UBE4B: variants seen among roughly 807,000 people sequenced by gnomAD.
UBE4B encodes ubiquitination factor E4B.
Under a neutral mutation model 148.1 loss-of-function variants are expected in UBE4B, and 27 were observed. The ratio of observed to expected loss-of-function variants is 0.18; its 90% CI spans 0.13 to 0.25. The LOEUF (loss-of-function observed/expected upper bound fraction) is 0.25. Among genes scored for constraint, UBE4B ranks in the 10% least tolerant of loss-of-function variants. The pLI, the probability that UBE4B is intolerant of heterozygous loss-of-function variation, is 1.00. For synonymous variants in UBE4B, 596 were observed against 619.3 expected (o/e 0.96, Z 0.56); for missense variants, 1,170 against 1,662.4 (o/e 0.70, Z 5.15).
chr1:10,086,248 G>T (rs2101857245), intron 2 of UBE4B, among the ~76,000 whole-genome samples: 1 of 152,242 alleles, frequency 6.6e-6, no homozygotes, highest in South Asian at 2.1e-4. Flanking sequence ...TGGGATTACA[G>T]GCATGAGCCA....
intron 1 of UBE4B, among the ~76,000 whole-genome samples, chr1:10,036,878 G>A (rs1643558208): frequency 6.6e-6 from 1 of 152,094 alleles, no homozygotes; most frequent in Admixed American, 6.6e-5. Flanking sequence ...AGGAAATTAG[G>A]TAAGGCAGAG....
At chr1:10,045,692 A>T (rs1643899702) in intron 1 of UBE4B, among the ~76,000 whole-genome samples, 1 of 152,174 alleles carries the variant, frequency 6.6e-6, no homozygotes, top group African/African-American at 2.4e-5. Flanking sequence ...GCAGAGAGAA[A>T]GGCGGCCATC....
At chr1:10,086,165 G>T (rs552234480) in intron 2 of UBE4B, among the ~76,000 whole-genome samples, 1 of 152,186 alleles carries the variant, frequency 6.6e-6, no homozygotes, top group Non-Finnish European at 1.5e-5. Context: ...TAGAGATGGG[G>T]TTTCACCGTG....
intron 7 of UBE4B, among the ~76,000 whole-genome samples, chr1:10,108,944 T>C (rs1444427024): frequency 2.6e-5 from 4 of 152,196 alleles, no homozygotes. Context: ...CTCCCTGGCC[T>C]ATTTAGTTGT....
At chr1:10,072,465 ATC>A (rs776117354) in intron 2 of UBE4B, 1 of 700,096 alleles carries the variant, frequency 1.4e-6, no homozygotes. Flanking sequence ...TTTAGGTATT[ATC>A]TCTGATGACA....
rs945483903 is a variant in UBE4B at position 10,171,264 on chromosome 1, C to A, written c.3460C>A (p.Gln1154Lys). 45 of 1,614,066 alleles carry A rather than the reference C, an allele frequency of 2.8e-5. No individual in the cohort carries two copies. The highest frequency in any genetic ancestry group is 3.6e-5 in the Non-Finnish European group (43 of 1,180,034). The change falls in exon 25 of 28, where the codon CAA becomes AAA. Residue 1154 changes from glutamine to lysine, a missense_variant. Around this residue, in one of 6 missense-constraint regions of UBE4B, gnomAD observed 348 missense variants for 627.2 expected, o/e 0.55. Coordinates refer to ENST00000343090, the MANE Select transcript of UBE4B (RefSeq NM_001105562.3). The stretch of plus-strand genomic sequence containing the variant: ...CTTTGAACCAAAGAAGCTGTTGGAC[C>A]AACTGACGGATATTTACTTACAGCT... ...YGFEPKKLLD[Q>K]LTDIYLQLDC...
At chr1:10,117,639 A>G in intron 8 of UBE4B, 39 bp downstream of exon 8, 1 of 1,542,500 alleles carries the variant, frequency 6.5e-7, no homozygotes, top group Non-Finnish European at 8.7e-7. Context: ...AAAAAAGCCT[A>G]GTTATTTGTT....
chr1:10,118,309 G>A lies in UBE4B; in HGVS notation c.1338+709G>A, dbSNP rs148360840. Among the ~76,000 whole-genome samples, 735 of 152,204 alleles carry A rather than the reference G, an allele frequency of 4.8e-3. 9 individuals are homozygous for A. Among genetic ancestry groups the A allele is most frequent in the African/African-American group, 0.016 (684 of 41,538 alleles). ...TGTTGTACTTAGCCTTAGTGGAAGC[G>A]AAATGAGTGGGCATGTCTCCAAGGT... is the stretch of plus-strand genomic sequence containing the variant. On this transcript the variant is annotated intron_variant, in intron 8 of 27. Transcript: ENST00000343090.
chr1:10,044,658 C>G (rs1643877964), intron 1 of UBE4B, among the ~76,000 whole-genome samples: 1 of 152,040 alleles, frequency 6.6e-6, no homozygotes. Context: ...TCTCAGCTCA[C>G]TGTAACTCCA....
At position 10,134,516 on chromosome 1, in the gene UBE4B, A is replaced by AG. The variant is rs1553150086; in HGVS notation, c.2026-472_2026-471insG. On this transcript the variant is annotated intron_variant, in intron 15 of 27. Transcript: ENST00000343090. ...AACAAGAGTGGAACTCCATCTCAAAAAAAAGAAAAGAAAAGAAAAGAATGT... is the reference window on the plus strand; with the variant it reads ...AACAAGAGTGGAACTCCATCTCAAAAGAAAAGAAAAGAAAAGAAAAGAATGT... Among the ~76,000 whole-genome samples, 706 of 152,230 alleles carry AG rather than the reference A, an allele frequency of 4.6e-3. 6 individuals are homozygous for AG. The highest frequency in any genetic ancestry group is 0.016 in the African/African-American group (675 of 41,540).
chr1:10,167,958 T>C (rs1646279352), intron 23 of UBE4B, among the ~76,000 whole-genome samples, 178 bp from the exon 24 acceptor site: 1 of 152,144 alleles, frequency 6.6e-6, no homozygotes, highest in Non-Finnish European at 1.5e-5. Context: ...GCTGGAAGTC[T>C]CAAAGAGCTC....
intron 25 of UBE4B, among the ~76,000 whole-genome samples, chr1:10,177,355 A>G (rs1284427165): frequency 1.3e-5 from 2 of 152,034 alleles, no homozygotes; most frequent in African/African-American, 4.8e-5. Context: ...CCCTGTCTCT[A>G]CTAAAAATAC....
At chr1:10,081,240 G>A (rs1355902749) in intron 2 of UBE4B, among the ~76,000 whole-genome samples, 2 of 150,878 alleles carry the variant, frequency 1.3e-5, no homozygotes, top group African/African-American at 2.4e-5. Context: ...TTTTATTTTT[G>A]GTAGAGACAG....
intron 4 of UBE4B, 91 bp downstream of exon 4, chr1:10,101,286 C>T (rs182207323): frequency 1.2e-4 from 146 of 1,256,478 alleles, no homozygotes; most frequent in East Asian, 2.2e-4. Context: ...TGGGGCCACC[C>T]GAAATCAGGA....
intron 1 of UBE4B, among the ~76,000 whole-genome samples, chr1:10,060,324 T>G (rs1644260081): frequency 6.6e-6 from 1 of 152,216 alleles, no homozygotes; most frequent in Admixed American, 6.5e-5. Context: ...GCTCCTGGGC[T>G]ACAAACCTGT....
chr1:10,130,770 G>C lies in UBE4B; in HGVS notation c.1868G>C (p.Arg623Pro). The C allele has an allele frequency of 6.2e-7, 1 of 1,614,132 alleles. No homozygotes were observed. Among genetic ancestry groups the C allele is most frequent in the Non-Finnish European group, 8.5e-7 (1 of 1,180,030 alleles). The change falls in exon 14 of 28, where the codon CGT (arginine) becomes CCT (proline). Residue 623 changes from arginine to proline, a missense_variant. Coordinates refer to ENST00000343090, the MANE Select transcript of UBE4B (RefSeq NM_001105562.3). ...CCTGCCATTACCCTGGAAAACACTCGTGTGGTTAGCCAATCATTGCAGCAT... is the reference window on the plus strand; with the variant it reads ...CCTGCCATTACCCTGGAAAACACTCCTGTGGTTAGCCAATCATTGCAGCAT... ...SGPAITLENT[R>P]VVSQSLQHYL...
At position 10,107,451 on chromosome 1, in the gene UBE4B, G is replaced by A. The variant is rs942829728; in HGVS notation, c.1196+868G>A. Reference sequence around the variant, plus strand: ...TAACTTCTATAAGCTCTAACAAGGGGCGTGCTTTGAATCCAGGCAGGATAG... The same window carrying A: ...TAACTTCTATAAGCTCTAACAAGGGACGTGCTTTGAATCCAGGCAGGATAG... On this transcript the variant is annotated intron_variant, in intron 7 of 27. Transcript: ENST00000343090. The A allele has an allele frequency of 2.1e-5, 26 of 1,221,114 alleles. No homozygotes were observed. The South Asian group carries it at 2.9e-4, about 14-fold the overall frequency. 75.6% of individuals were successfully genotyped at this position (1,221,114 alleles called of 1,614,324 possible). A position where few individuals can be genotyped will look rare whatever the true frequency, so the allele number is the denominator to read the frequency against.
At chr1:10,147,125 C>T (rs1285141924) in intron 19 of UBE4B, 35 bp downstream of exon 19, 2 of 1,613,294 alleles carry the variant, frequency 1.2e-6, no homozygotes, top group African/African-American at 2.7e-5. Context: ...CTTGTCCCTC[C>T]TTGGCTGGGC....
rs1645126473 is a variant in UBE4B at position 10,107,156 on chromosome 1, A to G, written c.1196+573A>G. ...GTTTATTTAAAAGGACAGCAGTTGC[A>G]AAAGCTTCTCCCCGTCTTGTTTTTT... is the stretch of plus-strand genomic sequence containing the variant. On this transcript the variant is annotated intron_variant, in intron 7 of 27. Transcript: ENST00000343090. 19 of 1,283,352 alleles carry G rather than the reference A, an allele frequency of 1.5e-5. No homozygotes were observed. The South Asian group carries it at 2.4e-4, about 16-fold the overall frequency. 79.5% of individuals were successfully genotyped at this position (1,283,352 alleles called of 1,614,324 possible).
Sources: gnomAD v4.1 joint callset for allele counts (sites outside exome capture counted in the v4.1 genomes callset) on GRCh38, gnomAD v4.1.1 for gene constraint, gnomAD v4.1.1 regional missense constraint, MANE v1.5 for transcripts, NCBI Gene and HGNC (gene_info 2026-07-23, HGNC 2026-07-21) for gene names.